The following MACO1 variants were observed in gnomAD, a reference collection of about 807,000 sequenced individuals.
The protein encoded by MACO1 is macoilin 1.
In MACO1, 14 loss-of-function variants were observed where a neutral mutation model predicts 78.7. The observed-to-expected ratio is 0.18, with a 90% CI of 0.12 to 0.28. The LOEUF is 0.28. MACO1 is among the 10% of genes least tolerant of loss of function. The pLI is 1.00. For synonymous variants in MACO1, 288 were observed against 291.6 expected (o/e 0.99, Z 0.12); for missense variants, 501 against 799.0 (o/e 0.63, Z 4.50).
intron 10 of MACO1, among the ~76,000 whole-genome samples, chr1:25,495,398 T>C (rs1446389564): frequency 6.6e-6 from 1 of 152,210 alleles, no homozygotes; most frequent in Admixed American, 6.5e-5. Flanking sequence ...CAGTGGCTTA[T>C]ATATCAGATG....
intron 1 of MACO1, among the ~76,000 whole-genome samples, chr1:25,436,608 A>C (rs1420954789): frequency 6.6e-6 from 1 of 152,236 alleles, no homozygotes; most frequent in African/African-American, 2.4e-5. Flanking sequence ...TATCCTTGTT[A>C]GACTTTTTCC....
At chr1:25,454,406 G>GTA (rs2043096722) in intron 4 of MACO1, 24 bp downstream of exon 4, 2 of 1,533,918 alleles carry the variant, frequency 1.3e-6, no homozygotes, top group Non-Finnish European at 1.8e-6. Flanking sequence ...AAATGTATGT[G>GTA]TGTGTGTGTG....
At chr1:25,436,579 A>C (rs1003735938) in intron 1 of MACO1, among the ~76,000 whole-genome samples, 3 of 152,190 alleles carry the variant, frequency 2.0e-5, no homozygotes, top group Admixed American at 2.0e-4. Context: ...AGGATGGTAC[A>C]TACAACAGTA....
intron 10 of MACO1, among the ~76,000 whole-genome samples, chr1:25,495,296 A>G (rs1303524514): frequency 1.3e-5 from 2 of 152,232 alleles, no homozygotes; most frequent in Non-Finnish European, 2.9e-5. Context: ...CTGAAGTGAC[A>G]AAGAAGCCAA....
In MACO1 at chr1:25,483,350, C is replaced by T. The variant is rs539861680; in HGVS notation, c.1155-766C>T. Reference sequence around the variant, plus strand: ...ACAGGCATGAGCCACTGCGCCTGGCCGATAGTTTTTGTTGACCATTTTCAG... The same window carrying T: ...ACAGGCATGAGCCACTGCGCCTGGCTGATAGTTTTTGTTGACCATTTTCAG... On this transcript the variant is annotated intron_variant, in intron 6 of 10. Coordinates refer to ENST00000374343, the MANE Select transcript of MACO1 (RefSeq NM_018202.6). Among the ~76,000 whole-genome samples the T allele has an allele frequency of 9.2e-5, 14 of 152,278 alleles. 1 individual carries two copies. The highest frequency in any genetic ancestry group is 3.9e-4 in the East Asian group (2 of 5,180).
At chr1:25,444,533 C>T (rs569386939) in intron 1 of MACO1, among the ~76,000 whole-genome samples, 227 of 152,220 alleles carry the variant, frequency 1.5e-3, no homozygotes, top group Non-Finnish European at 2.6e-3. Flanking sequence ...AATCTAGTTT[C>T]AAACTAGATT....
intron 10 of MACO1, among the ~76,000 whole-genome samples, chr1:25,492,793 AAT>A (rs1374798773): frequency 3.9e-5 from 6 of 152,188 alleles, no homozygotes; most frequent in Admixed American, 3.3e-4. Context: ...GTACTGAAAA[AAT>A]AGAGTACTCT....
Position 25,458,687 on chromosome 1 carries a change from G to C in MACO1, c.949G>C (p.Ala317Pro), listed in dbSNP as rs1264244440. ...TCTCTTGAAAGAGGACTCATGCACT[G>C]CTTCCTCAAAAAATTACAAAAATGC... ...ENLLKEDSCT[A>P]SSKNYKNASG... The change falls in exon 6 of 11, where the codon GCT becomes CCT. Residue 317 changes from alanine (A) to proline (P), a missense_variant. Coordinates refer to ENST00000374343, the MANE Select transcript of MACO1 (RefSeq NM_018202.6). The C allele has an allele frequency of 6.2e-7, 1 of 1,614,122 alleles. No homozygotes were observed.
chr1:25,445,630 C>T (rs1309081646), intron 1 of MACO1, among the ~76,000 whole-genome samples: 1 of 149,760 alleles, frequency 6.7e-6, no homozygotes, highest in Non-Finnish European at 1.5e-5. Context: ...TTTTTTCCTC[C>T]AAGTATGTAA....
chr1:25,498,542 A>T lies in MACO1; in HGVS notation c.*76A>T, dbSNP rs1238778096. Reference sequence around the variant, plus strand: ...AAGGAGCGTCTCTGGCAGTCAAGATAAAAAAACAGTTTCTATTGTATTTTG... The same window carrying T: ...AAGGAGCGTCTCTGGCAGTCAAGATTAAAAAACAGTTTCTATTGTATTTTG... On this transcript the variant is annotated 3_prime_UTR_variant, in exon 11 of 11. Coordinates refer to ENST00000374343, the MANE Select transcript of MACO1 (RefSeq NM_018202.6). The T allele has an allele frequency of 1.5e-6, 2 of 1,338,390 alleles. No homozygotes were observed. Among genetic ancestry groups the T allele is most frequent in the Non-Finnish European group, 1.0e-6 (1 of 973,302 alleles). The allele number at this position is 1,338,390 out of a possible 1,614,324, so 82.9% of individuals were successfully genotyped here. A position where few individuals can be genotyped will look rare whatever the true frequency, so the allele number is the denominator to read the frequency against.
intron 3 of MACO1, among the ~76,000 whole-genome samples, chr1:25,451,384 T>C (rs1248498565): frequency 6.6e-6 from 1 of 152,234 alleles, no homozygotes; most frequent in Admixed American, 6.5e-5. Flanking sequence ...ATGATTATTA[T>C]ACTTGCTCAA....
chr1:25,485,787 T>A lies in MACO1; in HGVS notation c.1488T>A (p.Ala496=), dbSNP rs1401312618. 2 of 1,612,944 alleles carry A rather than the reference T, an allele frequency of 1.2e-6. No homozygotes were observed. Among genetic ancestry groups the A allele is most frequent in the Admixed American group, 3.3e-5 (2 of 59,792 alleles). Residue 496 remains alanine, a synonymous_variant, in exon 8 of 11, where the codon GCT becomes GCA. Coordinates refer to ENST00000374343, the MANE Select transcript of MACO1 (RefSeq NM_018202.6). This position sits in a 1 kb window ranked among gnomAD's most constrained non-coding sequence, Gnocchi z 4.3. ...CTGCCCGGGCTGTTGCGTTTGCTGC[T>A]GCATCTAGGTATGTCCATGTCACCT... ...ATAARAVAFA[A]ASRGECTETL...
At chr1:25,458,945 T>C in intron 6 of MACO1, 53 bp downstream of exon 6, 3 of 1,562,696 alleles carry the variant, frequency 1.9e-6, no homozygotes, top group South Asian at 2.5e-5. Flanking sequence ...CTTGACATAC[T>C]CTTGACATAC....
intron 8 of MACO1, among the ~76,000 whole-genome samples, chr1:25,486,033 T>G (rs1214147059): frequency 6.6e-6 from 1 of 152,230 alleles, no homozygotes; most frequent in East Asian, 1.9e-4. Flanking sequence ...ATCACCATGT[T>G]TCCCATACCT....
chr1:25,440,474 A>G (rs1021208463), intron 1 of MACO1, among the ~76,000 whole-genome samples: 2 of 151,956 alleles, frequency 1.3e-5, no homozygotes, highest in Admixed American at 1.3e-4. Flanking sequence ...TTCACTTAAA[A>G]GTACCAATAA....
chr1:25,485,924 C>A lies in MACO1; in HGVS notation c.1496+129C>A. ...TGCACGGATGGATTGCTTTTAAGTA[C>A]TGTTTTATTAACTGGTTTAAACTCC... On this transcript the variant is annotated intron_variant, in intron 8 of 10. Coordinates refer to ENST00000374343, the MANE Select transcript of MACO1 (RefSeq NM_018202.6). The surrounding 1 kb of genome is among the most constrained non-coding windows in gnomAD (Gnocchi z 4.3). 9.8e-7 allele frequency: 1 copy of A among 1,019,114 alleles called. No individual in the cohort carries two copies. Among genetic ancestry groups the A allele is most frequent in the South Asian group, 1.6e-5 (1 of 61,590 alleles). The allele number at this position is 1,019,114 out of a possible 1,614,324, so 63.1% of individuals were successfully genotyped here. A position where few individuals can be genotyped will look rare whatever the true frequency, so the allele number is the denominator to read the frequency against.
At position 25,485,784 on chromosome 1, in the gene MACO1, T is replaced by C. The variant is rs2043424849; in HGVS notation, c.1485T>C (p.Ala495=). The change falls in exon 8 of 11, where the codon GCT becomes GCC. Residue 495 remains alanine, a synonymous_variant. Transcript: ENST00000374343. The surrounding 1 kb of genome is among the most constrained non-coding windows in gnomAD (Gnocchi z 4.3). ...CTGCTGCCCGGGCTGTTGCGTTTGC[T>C]GCTGCATCTAGGTATGTCCATGTCA... ...EATAARAVAF[A]AASRGECTET... is the part of the protein sequence containing the mutation. 1.2e-6 allele frequency: 2 copies of C among 1,613,072 alleles called. No individual in the cohort carries two copies. The highest frequency in any genetic ancestry group is 1.7e-6 in the Non-Finnish European group (2 of 1,179,716).
At chr1:25,465,791 T>G (rs548407199) in intron 6 of MACO1, among the ~76,000 whole-genome samples, 1 of 152,358 alleles carries the variant, frequency 6.6e-6, no homozygotes, top group East Asian at 1.9e-4. Flanking sequence ...CGAGTCTGCA[T>G]TGTCTATCAT....
At position 25,480,929 on chromosome 1, in the gene MACO1, AATAT is replaced by A. The variant is rs202050214; in HGVS notation, c.1155-3144_1155-3141del. Among the ~76,000 whole-genome samples the A allele has an allele frequency of 8.3e-3, 395 of 47,414 alleles. 3 individuals carry two copies. Among genetic ancestry groups the A allele is most frequent in the Non-Finnish European group, 9.3e-3 (269 of 28,824 alleles). The allele number at this position is 47,414 out of a possible 152,430, so 31.1% of individuals were successfully genotyped here. On this transcript the variant is annotated intron_variant, in intron 6 of 10. Coordinates refer to ENST00000374343, the MANE Select transcript of MACO1 (RefSeq NM_018202.6). ...AGACTTGGTTAAAAAAAAAAAAAAA[AATAT>A]ATATATATATATATATATATATATA...
Sources: allele counts gnomAD v4.1 joint callset (sites outside exome capture counted in the v4.1 genomes callset), GRCh38; gene constraint gnomAD v4.1.1; non-coding constraint Gnocchi (gnomAD v3.1); transcripts MANE v1.5; gene names NCBI Gene and HGNC (gene_info 2026-07-23, HGNC 2026-07-21).